The following SLC25A13 variants were observed in gnomAD, a reference collection of about 807,000 sequenced individuals.
SLC25A13 encodes the protein electrogenic aspartate/glutamate antiporter SLC25A13, mitochondrial.
A neutral mutation model predicts 85.5 loss-of-function variants in SLC25A13; 70 were observed. The observed-to-expected ratio is 0.82, with a 90% confidence interval of 0.68 to 1.00. The LOEUF (loss-of-function observed/expected upper bound fraction) is 1.00, where lower values mean the gene tolerates loss of function less well. Ranked by LOEUF, SLC25A13 falls within the 50% of genes least tolerant of loss-of-function variation. The pLI, the probability that SLC25A13 is intolerant of heterozygous loss-of-function variation, is 0.00. For synonymous variants in SLC25A13, 259 were observed against 288.7 expected, an observed-to-expected ratio of 0.90 and a Z score of 1.04; for missense variants, 765 against 819.8, an observed-to-expected ratio of 0.93 and a Z score of 0.82.
At chr7:96,185,706 T>C (rs572909892) in intron 9 of SLC25A13, among the ~76,000 whole-genome samples, 4 of 151,952 alleles carry the variant, frequency 2.6e-5, no homozygotes, top group Admixed American at 6.6e-5. Context: ...CTGGCTAACA[T>C]GGTGAAACCC....
At position 96,121,394 on chromosome 7, in the gene SLC25A13, C is replaced by A; in HGVS notation, c.1842-17G>T. 1 of 1,613,752 alleles carries A rather than the reference C, an allele frequency of 6.2e-7. No individual in the cohort carries two copies. Among genetic ancestry groups the A allele is most frequent in the Non-Finnish European group, 8.5e-7 (1 of 1,179,676 alleles). ...ATGGGTTTTCTAAAAGAAGAGAAAA[C>A]AGAGTAAGAAGCTGTATTTTTTGTT... On this transcript the variant is annotated splice_polypyrimidine_tract_variant and intron_variant, in intron 17 of 17. Transcript: ENST00000265631.
chr7:96,179,822 A>G (rs1348770205), intron 11 of SLC25A13, among the ~76,000 whole-genome samples: 2 of 152,240 alleles, frequency 1.3e-5, no homozygotes, highest in African/African-American at 4.8e-5. Flanking sequence ...AATGCAAAAC[A>G]GTCATGGAAA....
chr7:96,150,869 C>G (rs1043201369), intron 13 of SLC25A13, among the ~76,000 whole-genome samples: 7 of 151,820 alleles, frequency 4.6e-5, no homozygotes, highest in African/African-American at 1.7e-4. Context: ...AGCAACGTAC[C>G]CAGGGCTATA....
chr7:96,243,845 G>C (rs986643861), intron 3 of SLC25A13, among the ~76,000 whole-genome samples: 1 of 152,144 alleles, frequency 6.6e-6, no homozygotes. Flanking sequence ...AGGGAAAGGG[G>C]ATGAGGATGA....
At position 96,168,037 on chromosome 7, in the gene SLC25A13, C is replaced by CTGCAGTG. The variant is rs568187861; in HGVS notation, c.1311+2001_1311+2007dup. ...ATCGCTTGAACCCGGGAGGTGGAGG[C>CTGCAGTG]TGCAGTGAGCCAAGATCCCGCCACT... On this transcript the variant is annotated intron_variant, in intron 13 of 17. Coordinates refer to ENST00000265631, the MANE Select transcript of SLC25A13 (RefSeq NM_014251.3). Among the ~76,000 whole-genome samples the CTGCAGTG allele has an allele frequency of 5.4e-3, 698 of 130,078 alleles. 8 individuals are homozygous for CTGCAGTG. The highest frequency in any genetic ancestry group is 9.0e-3 in the Non-Finnish European group (573 of 63,992). 85.3% of individuals were successfully genotyped at this position (130,078 alleles called of 152,430 possible).
chr7:96,218,586 A>C (rs1469454231), intron 4 of SLC25A13, among the ~76,000 whole-genome samples: 3 of 152,204 alleles, frequency 2.0e-5, no homozygotes, highest in African/African-American at 7.2e-5. Flanking sequence ...AATGCATTTT[A>C]ATTTCTAAAA....
chr7:96,138,876 A>G lies in SLC25A13; in HGVS notation c.1453-6995T>C, dbSNP rs553235395. Among the ~76,000 whole-genome samples the G allele has an allele frequency of 3.9e-5, 6 of 152,272 alleles. No homozygotes were observed. The South Asian group carries it at 1.2e-3, about 32-fold the overall frequency. On this transcript the variant is annotated intron_variant, in intron 14 of 17. Transcript: ENST00000265631. ...CAATTCCTCTGGGCATTGTTTTATAAAAATAATATTTTTCAAGCCATCTCC... is the reference window on the plus strand; with the variant it reads ...CAATTCCTCTGGGCATTGTTTTATAGAAATAATATTTTTCAAGCCATCTCC...
intron 5 of SLC25A13, among the ~76,000 whole-genome samples, chr7:96,199,307 G>A (rs954366641): frequency 3.3e-5 from 5 of 152,186 alleles, no homozygotes; most frequent in African/African-American, 4.8e-5. Flanking sequence ...AGAAAAAGAT[G>A]ATTGTAGAAA....
chr7:96,295,890 T>C (rs868161351), intron 2 of SLC25A13, among the ~76,000 whole-genome samples: 1 of 151,330 alleles, frequency 6.6e-6, no homozygotes, highest in Non-Finnish European at 1.5e-5. Context: ...TGTGTGTATA[T>C]ATACATATAT....
intron 1 of SLC25A13, among the ~76,000 whole-genome samples, chr7:96,321,349 G>T (rs1483383882): frequency 6.6e-6 from 1 of 152,182 alleles, no homozygotes; most frequent in Non-Finnish European, 1.5e-5. Context: ...GAGGGAGGGG[G>T]AAGATGGGAA....
rs756776797 is a variant in SLC25A13, at chr7:96,121,229, A to T, written c.1990T>A (p.Ser664Thr). Residue 664 changes from serine to threonine, a missense_variant, in exon 18 of 18, where the codon TCA becomes ACA. Physicochemically the swap from Ser to Thr is moderately conservative, Grantham distance 58. Transcript: ENST00000265631. The part of the protein sequence containing the change: ...FGLYLPLFKP[S>T]VSTSKAIGGG... ...CCAATAGCCTTTGAGGTAGATACTGATGGCTTGAAGAGAGGTAGGTAAAGT... is the reference window on the plus strand; with the variant it reads ...CCAATAGCCTTTGAGGTAGATACTGTTGGCTTGAAGAGAGGTAGGTAAAGT... 9.3e-6 allele frequency: 15 copies of T among 1,614,046 alleles called. No individual in the cohort carries two copies. The African/African-American group carries it at 2.0e-4, about 22-fold the overall frequency.
At chr7:96,131,345 G>A (rs1257855313) in intron 15 of SLC25A13, among the ~76,000 whole-genome samples, 2 of 152,126 alleles carry the variant, frequency 1.3e-5, no homozygotes, top group African/African-American at 2.4e-5. Flanking sequence ...TATTGTTTAA[G>A]TTCTGGACAG....
intron 14 of SLC25A13, among the ~76,000 whole-genome samples, chr7:96,134,793 T>TATATATATATATATATATATATATATATA (rs1792192548): frequency 9.8e-6 from 1 of 102,244 alleles, no homozygotes; most frequent in Non-Finnish European, 1.9e-5. Flanking sequence ...ACAAACAATT[T>TATATATATATATATATATATATATATATA]TATATATATA....
chr7:96,120,231 A>G lies in SLC25A13; in HGVS notation c.*960T>C, dbSNP rs185634028. The G allele has an allele frequency of 1.3e-4, 59 of 449,472 alleles. No individual in the cohort carries two copies. Among genetic ancestry groups the G allele is most frequent in the Non-Finnish European group, 2.2e-4 (49 of 223,742 alleles). 27.8% of individuals were successfully genotyped at this position (449,472 alleles called of 1,614,324 possible). A position where few individuals can be genotyped will look rare whatever the true frequency, so the allele number is the denominator to read the frequency against. The stretch of plus-strand genomic sequence containing the variant: ...ACCAAACAACTCAATCACTTTACAA[A>G]TAGTTTATTTCCACCTTCACAAATT... On this transcript the variant is annotated 3_prime_UTR_variant, in exon 18 of 18. Transcript: ENST00000265631.
intron 1 of SLC25A13, among the ~76,000 whole-genome samples, chr7:96,314,038 A>G (rs958723707): frequency 1.3e-5 from 2 of 152,148 alleles, no homozygotes; most frequent in African/African-American, 4.8e-5. Flanking sequence ...TCATGCTGCT[A>G]AACACTAAAA....
At chr7:96,243,527 G>A (rs553276671) in intron 3 of SLC25A13, among the ~76,000 whole-genome samples, 1 of 152,096 alleles carries the variant, frequency 6.6e-6, no homozygotes. Flanking sequence ...GTCTGTAGAG[G>A]GGCCTAAACA....
intron 13 of SLC25A13, among the ~76,000 whole-genome samples, chr7:96,148,761 G>C (rs1232265056): frequency 6.6e-6 from 1 of 152,134 alleles, no homozygotes; most frequent in Non-Finnish European, 1.5e-5. Context: ...TTGGAAGAGA[G>C]AAGAGGCATA....
chr7:96,172,049 T>C (rs1794025285), intron 11 of SLC25A13, among the ~76,000 whole-genome samples: 1 of 151,968 alleles, frequency 6.6e-6, no homozygotes, highest in South Asian at 2.1e-4. Flanking sequence ...TGAGAGAGGT[T>C]CATGGTAATA....
rs376682512 is a variant in SLC25A13, at chr7:96,143,065, G to T, written c.1452+3491C>A. ...AATCAAGGTTTAATTTGTGATTATA[G>T]AATTTGAAAACTTTTCAACAGTGCT... On this transcript the variant is annotated intron_variant, in intron 14 of 17. Transcript: ENST00000265631. Among the ~76,000 whole-genome samples the T allele has an allele frequency of 1.1e-4, 17 of 152,300 alleles. No homozygotes were observed. In the South Asian group the frequency reaches 2.5e-3, roughly 22 times the overall value.
Sources: allele counts gnomAD v4.1 joint callset (sites outside exome capture counted in the v4.1 genomes callset), GRCh38; gene constraint gnomAD v4.1.1; transcripts MANE v1.5; gene names NCBI Gene and HGNC (gene_info 2026-07-23, HGNC 2026-07-21).